Variants in PHF21B observed in about 807,000 individuals in gnomAD.
The protein encoded by PHF21B is PHD finger protein 21B.
Under a neutral mutation model 62.2 loss-of-function variants are expected in PHF21B, and 22 were observed. The observed-to-expected ratio is 0.35, with a 90% CI of 0.25 to 0.51. The LOEUF (loss-of-function observed/expected upper bound fraction) is 0.51. Ranked by LOEUF, PHF21B falls within the 20% of genes least tolerant of loss-of-function variation. The pLI is 0.97. For missense variants in PHF21B, 701 were observed against 707.9 expected (o/e 0.99, Z 0.11); for synonymous variants, 341 against 314.7 (o/e 1.08, Z -0.88).
intron 2 of PHF21B, among the ~76,000 whole-genome samples, chr22:44,944,596 C>G (rs544728647): frequency 1.3e-5 from 2 of 152,318 alleles, no homozygotes; most frequent in African/African-American, 4.8e-5. Flanking sequence ...CAAGTCCACT[C>G]CTGAGCCTGC....
At chr22:44,939,224 C>T (rs2071907781) in intron 2 of PHF21B, among the ~76,000 whole-genome samples, 1 of 152,214 alleles carries the variant, frequency 6.6e-6, no homozygotes, top group East Asian at 1.9e-4. Context: ...CTGCGGGAAG[C>T]TGCACGACCC....
At chr22:44,908,691 G>C (rs575536754) in intron 5 of PHF21B, among the ~76,000 whole-genome samples, 2 of 152,178 alleles carry the variant, frequency 1.3e-5, no homozygotes, top group African/African-American at 4.8e-5. Flanking sequence ...TGACGTTTCT[G>C]GGGGCAGCTA....
At chr22:44,991,011 C>T (rs566523597) in intron 2 of PHF21B, among the ~76,000 whole-genome samples, 3 of 152,334 alleles carry the variant, frequency 2.0e-5, no homozygotes, top group East Asian at 1.9e-4. Context: ...CCCAGGCCTG[C>T]GAGGCGGGAA....
At chr22:44,948,933 A>C (rs1230483584) in intron 2 of PHF21B, among the ~76,000 whole-genome samples, 2 of 152,254 alleles carry the variant, frequency 1.3e-5, no homozygotes, top group Non-Finnish European at 2.9e-5. Context: ...GCTTATCCAC[A>C]AATGGGTCAC....
intron 3 of PHF21B, among the ~76,000 whole-genome samples, chr22:44,919,118 C>T (rs2071489952): frequency 6.6e-6 from 1 of 152,184 alleles, no homozygotes; most frequent in Non-Finnish European, 1.5e-5. Context: ...AGGTCTAGCT[C>T]AAGCACTACC....
At chr22:44,919,926 G>A (rs1227834968) in intron 3 of PHF21B, among the ~76,000 whole-genome samples, 4 of 152,152 alleles carry the variant, frequency 2.6e-5, no homozygotes, top group East Asian at 1.9e-4. Flanking sequence ...GAGTCCAGTC[G>A]GGGGGGACCC....
At chr22:44,910,245 C>A (rs1053361145) in intron 5 of PHF21B, among the ~76,000 whole-genome samples, 2 of 152,088 alleles carry the variant, frequency 1.3e-5, no homozygotes, top group African/African-American at 2.4e-5. Context: ...GCCAACATGT[C>A]TCAACTCAAT....
At chr22:44,985,305 C>T (rs1194077991) in intron 2 of PHF21B, among the ~76,000 whole-genome samples, 1 of 152,206 alleles carries the variant, frequency 6.6e-6, no homozygotes, top group African/African-American at 2.4e-5. Context: ...TCACTACCTC[C>T]ATTTTACTAA....
In PHF21B at chr22:45,009,304, G is replaced by A; in HGVS notation, c.54+192C>T. ...TCGATCCCGCAAACTGTGCAGGACA[G>A]CGCCAGGGGCAGGCGGAGGGGAGCC... On this transcript the variant is annotated intron_variant, in intron 1 of 12. Transcript: ENST00000313237. The surrounding 1 kb of genome is among the most constrained non-coding windows in gnomAD (Gnocchi z 5.9). 1.6e-6 allele frequency: 1 copy of A among 625,012 alleles called. No homozygotes were observed. The highest frequency in any genetic ancestry group is 2.7e-6 in the Non-Finnish European group (1 of 374,962). 38.7% of individuals were successfully genotyped at this position (625,012 alleles called of 1,614,324 possible).
chr22:44,947,551 G>C (rs1241884902), intron 2 of PHF21B, among the ~76,000 whole-genome samples: 1 of 152,192 alleles, frequency 6.6e-6, no homozygotes, highest in Non-Finnish European at 1.5e-5. Flanking sequence ...TCCTGGGACA[G>C]GCTGGGCCCA....
chr22:45,008,399 A>G, intron 2 of PHF21B, 146 bp downstream of exon 2: 1 of 643,834 alleles, frequency 1.6e-6, no homozygotes, highest in Non-Finnish European at 2.2e-6. Flanking sequence ...AGGAAAGGGG[A>G]GGGGTGGGGA....
At chr22:44,887,756 A>C (rs1366270813) in intron 10 of PHF21B, among the ~76,000 whole-genome samples, 1 of 118,316 alleles carries the variant, frequency 8.5e-6, no homozygotes, top group Non-Finnish European at 1.8e-5. Context: ...CTCTGTCTCA[A>C]AAAAAAAAAA....
At chr22:44,991,095 C>A (rs1239064235) in intron 2 of PHF21B, among the ~76,000 whole-genome samples, 1 of 152,230 alleles carries the variant, frequency 6.6e-6, no homozygotes, top group Non-Finnish European at 1.5e-5. Context: ...GTCTCCAAAA[C>A]TGTCCAGAGA....
chr22:45,007,080 G>A (rs1046575114), intron 2 of PHF21B, among the ~76,000 whole-genome samples: 10 of 151,838 alleles, frequency 6.6e-5, no homozygotes, highest in African/African-American at 2.4e-4. Context: ...TTCCACTCCC[G>A]GACGGGGGCG....
intron 3 of PHF21B, among the ~76,000 whole-genome samples, chr22:44,919,370 A>AT (rs1227574560): frequency 5.3e-5 from 8 of 152,086 alleles, no homozygotes; most frequent in Non-Finnish European, 7.4e-5. Context: ...GTTTTTTGCC[A>AT]TTTTTTTCCC....
At chr22:44,915,073 T>G (rs1338910032) in intron 4 of PHF21B, among the ~76,000 whole-genome samples, 1 of 152,218 alleles carries the variant, frequency 6.6e-6, no homozygotes, top group Non-Finnish European at 1.5e-5. Context: ...TTGAGGCTTC[T>G]GAGCACAAAG....
chr22:44,885,338 G>C, intron 12 of PHF21B, 88 bp downstream of exon 12: 2 of 1,266,888 alleles, frequency 1.6e-6, no homozygotes, highest in Non-Finnish European at 2.2e-6. Flanking sequence ...ATCTACACCT[G>C]TGGTTCTAAG....
chr22:44,927,007 G>A (rs2071645634), intron 2 of PHF21B, among the ~76,000 whole-genome samples: 1 of 152,026 alleles, frequency 6.6e-6, no homozygotes, highest in South Asian at 2.1e-4. Context: ...GTCAAGGCTC[G>A]ACGCTCCCTC....
chr22:44,899,505 G>A (rs1045193514), intron 5 of PHF21B, among the ~76,000 whole-genome samples: 4 of 151,854 alleles, frequency 2.6e-5, no homozygotes, highest in African/African-American at 9.7e-5. Flanking sequence ...TGGCCAGGCT[G>A]GTCTCGAACT....
Sources: allele counts gnomAD v4.1 joint callset (sites outside exome capture counted in the v4.1 genomes callset), GRCh38; gene constraint gnomAD v4.1.1; non-coding constraint Gnocchi (gnomAD v3.1); transcripts MANE v1.5; gene names NCBI Gene and HGNC (gene_info 2026-07-23, HGNC 2026-07-21).